CCSER1: variants seen among roughly 807,000 people sequenced by gnomAD.
CCSER1 encodes the protein serine-rich coiled-coil domain-containing protein 1.
In CCSER1, 41 loss-of-function variants were observed where a neutral mutation model predicts 82.0. The observed-to-expected ratio is 0.50, with a 90% CI of 0.39 to 0.65. The LOEUF is 0.65. Ranked by LOEUF, CCSER1 falls within the 30% of genes least tolerant of loss-of-function variation. The probability of loss-of-function intolerance (pLI) is 0.00; values close to 1 mark genes in which losing one functional copy is unlikely to be tolerated. For synonymous variants in CCSER1, 414 were observed against 383.9 expected (o/e 1.08, Z -0.92); for missense variants, 1,119 against 1,064.2 (o/e 1.05, Z -0.72).
intron 5 of CCSER1, among the ~76,000 whole-genome samples, chr4:90,537,493 C>T (rs141435856): frequency 6.2e-4 from 94 of 151,870 alleles, no homozygotes; most frequent in African/African-American, 2.0e-3. Flanking sequence ...TCCATTTGTC[C>T]GTTTTTTCCA....
intron 10 of CCSER1, among the ~76,000 whole-genome samples, chr4:91,490,474 T>A (rs1560711994): frequency 6.6e-6 from 1 of 152,128 alleles, no homozygotes. Context: ...ATTATGTTAA[T>A]TGGAATACAC....
intron 1 of CCSER1, among the ~76,000 whole-genome samples, chr4:90,153,616 T>G (rs1368630431): frequency 6.6e-6 from 1 of 152,142 alleles, no homozygotes; most frequent in Non-Finnish European, 1.5e-5. Flanking sequence ...TGGTTTTGAT[T>G]TGCATTTCTC....
At chr4:90,379,193 C>G (rs796357727) in intron 3 of CCSER1, among the ~76,000 whole-genome samples, 17 of 152,264 alleles carry the variant, frequency 1.1e-4, no homozygotes, top group African/African-American at 2.2e-4. Context: ...CAGGACTGCT[C>G]TCTTCTATAT....
At chr4:91,178,338 A>G (rs911829630) in intron 10 of CCSER1, among the ~76,000 whole-genome samples, 2 of 152,118 alleles carry the variant, frequency 1.3e-5, no homozygotes, top group Non-Finnish European at 2.9e-5. Flanking sequence ...TGCTTGGTGC[A>G]GAGCTGAGTT....
intron 5 of CCSER1, among the ~76,000 whole-genome samples, chr4:90,586,075 G>C (rs1347481574): frequency 6.6e-6 from 1 of 152,210 alleles, no homozygotes; most frequent in African/African-American, 2.4e-5. Context: ...TCTGTGGACT[G>C]TTAGGAACCG....
rs1301180406 is a variant in CCSER1 at position 90,879,565 on chromosome 4, GA to G, written c.2095-43803del. 1.2e-3 allele frequency among the ~76,000 whole-genome samples: 149 copies of G among 124,070 alleles called. 1 individual carries two copies. The highest frequency in any genetic ancestry group is 2.8e-3 in the Admixed American group (33 of 11,776). The allele number at this position is 124,070 out of a possible 152,430, so 81.4% of individuals were successfully genotyped here. On this transcript the variant is annotated intron_variant, in intron 8 of 10. Coordinates refer to ENST00000509176, the MANE Select transcript of CCSER1 (RefSeq NM_001145065.2). ...GAAAGAAGAAGAAGAGGAAGAAGAA[GA>G]AGAGGAAGAAGAAGAAGAGGAGGAG...
chr4:90,407,325 A>G (rs1256502291), intron 4 of CCSER1, among the ~76,000 whole-genome samples: 1 of 152,216 alleles, frequency 6.6e-6, no homozygotes, highest in Non-Finnish European at 1.5e-5. Flanking sequence ...ATCTCTGAAC[A>G]GACCAATAAT....
chr4:91,099,089 T>C (rs1724802095), intron 10 of CCSER1, among the ~76,000 whole-genome samples: 1 of 152,220 alleles, frequency 6.6e-6, no homozygotes, highest in Admixed American at 6.5e-5. Context: ...ACAAGTTTTC[T>C]TTGATAATTT....
intron 8 of CCSER1, among the ~76,000 whole-genome samples, chr4:90,834,352 T>G (rs1357641261): frequency 6.6e-6 from 1 of 152,178 alleles, no homozygotes; most frequent in Admixed American, 6.5e-5. Context: ...TATTAGCCCC[T>G]CAGTAAGTTG....
intron 10 of CCSER1, among the ~76,000 whole-genome samples, chr4:91,592,519 T>C (rs1361034328): frequency 6.6e-6 from 1 of 152,162 alleles, no homozygotes; most frequent in African/African-American, 2.4e-5. Context: ...TAGGAAACCA[T>C]GAACTTATTC....
intron 9 of CCSER1, among the ~76,000 whole-genome samples, chr4:90,927,460 A>G (rs1729207623): frequency 1.3e-5 from 2 of 151,950 alleles, no homozygotes; most frequent in South Asian, 4.1e-4. Flanking sequence ...TAGGGGTTTC[A>G]ATTTGGCTTC....
At chr4:91,433,839 G>A (rs555789743) in intron 10 of CCSER1, among the ~76,000 whole-genome samples, 14 of 152,322 alleles carry the variant, frequency 9.2e-5, no homozygotes, top group South Asian at 4.1e-4. Flanking sequence ...GTCTAGCTCA[G>A]AGCCTAGAAA....
intron 4 of CCSER1, among the ~76,000 whole-genome samples, chr4:90,446,040 C>T (rs1470585635): frequency 6.6e-6 from 1 of 152,056 alleles, no homozygotes; most frequent in Admixed American, 6.6e-5. Flanking sequence ...AATTGTACTC[C>T]CTGCTTTTCA....
intron 1 of CCSER1, among the ~76,000 whole-genome samples, chr4:90,199,420 T>G (rs1454185160): frequency 2.6e-5 from 4 of 152,284 alleles, no homozygotes; most frequent in African/African-American, 9.6e-5. Context: ...ACCCCTTTTG[T>G]TTTTCCATCA....
intron 10 of CCSER1, chr4:91,130,153 A>G (rs1013813370): frequency 1.3e-5 from 2 of 151,960 alleles, no homozygotes; most frequent in Non-Finnish European, 2.9e-5. Context: ...ATTTAAATTC[A>G]ATTTCAATCA....
At chr4:90,440,568 G>A (rs1045876953) in intron 4 of CCSER1, among the ~76,000 whole-genome samples, 47 of 152,174 alleles carry the variant, frequency 3.1e-4, no homozygotes, top group Admixed American at 2.3e-3. Context: ...GGTTGGACAG[G>A]CAGTTGGTGG....
intron 5 of CCSER1, among the ~76,000 whole-genome samples, chr4:90,504,111 A>G (rs946807923): frequency 2.0e-5 from 3 of 152,120 alleles, no homozygotes; most frequent in Admixed American, 2.0e-4. Context: ...TCGATATTTT[A>G]AGACCCACTT....
At chr4:91,551,811 G>A (rs997736689) in intron 10 of CCSER1, among the ~76,000 whole-genome samples, 4 of 151,306 alleles carry the variant, frequency 2.6e-5, no homozygotes, top group Non-Finnish European at 5.9e-5. Flanking sequence ...CACACAAAAG[G>A]TCACTTTTTT....
At chr4:90,919,401 A>G (rs1197525488) in intron 8 of CCSER1, among the ~76,000 whole-genome samples, 1 of 151,910 alleles carries the variant, frequency 6.6e-6, no homozygotes, top group Non-Finnish European at 1.5e-5. Flanking sequence ...TTAACAAAGT[A>G]TCAGTTTGCT....
Sources: gnomAD v4.1 joint callset for allele counts (sites outside exome capture counted in the v4.1 genomes callset) on GRCh38, gnomAD v4.1.1 for gene constraint, MANE v1.5 for transcripts, NCBI Gene and HGNC (gene_info 2026-07-23, HGNC 2026-07-21) for gene names.